Variants in KIF26B observed in about 807,000 individuals in gnomAD.
The protein encoded by KIF26B is kinesin family member 26B, also known as kinesin-like protein KIF26B.
KIF26B carries 63 observed loss-of-function variants against 151.2 expected under a neutral mutation model. The observed-to-expected ratio is 0.42, with a 90% CI of 0.34 to 0.51. The LOEUF (loss-of-function observed/expected upper bound fraction) is 0.51. KIF26B is among the 20% of genes least tolerant of loss of function. KIF26B has a pLI of 0.07. For synonymous variants in KIF26B, 1,357 were observed against 1,262.1 expected (o/e 1.08, Z -1.59); for missense variants, 2,813 against 2,913.6 (o/e 0.97, Z 0.79).
chr1:245,180,716 T>C (rs1218989884), intron 2 of KIF26B, among the ~76,000 whole-genome samples: 1 of 150,506 alleles, frequency 6.6e-6, no homozygotes, highest in East Asian at 2.0e-4. Flanking sequence ...ATGGAAATGG[T>C]GGTGGTGGGG....
chr1:245,634,062 C>T (rs970634285), intron 9 of KIF26B, among the ~76,000 whole-genome samples: 4 of 152,192 alleles, frequency 2.6e-5, no homozygotes, highest in African/African-American at 4.8e-5. Context: ...GATCCTTCTG[C>T]CTTGGCCTCC....
chr1:245,350,031 CAG>C (rs1324860438), intron 2 of KIF26B, among the ~76,000 whole-genome samples: 1 of 151,328 alleles, frequency 6.6e-6, no homozygotes, highest in Non-Finnish European at 1.5e-5. Context: ...CAAAAAAGTG[CAG>C]AGAGTATATA....
At chr1:245,325,859 C>G (rs181218052) in intron 2 of KIF26B, among the ~76,000 whole-genome samples, 13 of 152,128 alleles carry the variant, frequency 8.5e-5, no homozygotes, top group Admixed American at 6.5e-4. Flanking sequence ...TTGTTTGTGA[C>G]GTAGGTTTTC....
At position 245,705,849 on chromosome 1, in the gene KIF26B, T is replaced by A. The variant is rs2044834407; in HGVS notation, c.*3243T>A. The A allele has an allele frequency of 6.6e-6, 1 of 152,226 alleles. No individual in the cohort carries two copies. Among genetic ancestry groups the A allele is most frequent in the Non-Finnish European group, 1.5e-5 (1 of 68,028 alleles). 9.4% of individuals were successfully genotyped at this position (152,226 alleles called of 1,614,324 possible). On this transcript the variant is annotated 3_prime_UTR_variant, in exon 15 of 15. Coordinates refer to ENST00000407071, the MANE Select transcript of KIF26B (RefSeq NM_018012.4). ...CTGCGAGCTGCAAACTTTGATCTTG[T>A]TGTCCTTGAATTCCCCTCTACATCA...
At position 245,688,487 on chromosome 1, in the gene KIF26B, C is replaced by A; in HGVS notation, c.5504C>A (p.Ala1835Asp). The A allele has an allele frequency of 7.0e-7, 1 of 1,435,100 alleles. No individual in the cohort carries two copies. The highest frequency in any genetic ancestry group is 1.5e-5 in the African/African-American group (1 of 67,066). 88.9% of individuals were successfully genotyped at this position (1,435,100 alleles called of 1,614,324 possible). A position where few individuals can be genotyped will look rare whatever the true frequency, so the allele number is the denominator to read the frequency against. Residue 1835 changes from alanine to aspartate, a missense_variant, in exon 12 of 15, where the codon GCC (alanine) becomes GAC (aspartate). By Grantham distance (126) the Ala-to-Asp change is moderately radical. Transcript: ENST00000407071. ...AGPEAEARGGALAEDEPAAAH... is the reference protein window; with the variant it reads ...AGPEAEARGGDLAEDEPAAAH... ...CCCGAGGCGGAGGCGCGCGGGGGGG[C>A]CCTGGCCGAGGACGAGCCCGCGGCC...
intron 3 of KIF26B, among the ~76,000 whole-genome samples, chr1:245,383,690 G>A (rs1028676130): frequency 2.0e-5 from 3 of 152,300 alleles, no homozygotes; most frequent in East Asian, 1.9e-4. Flanking sequence ...TCCATTAGGA[G>A]GTAGGAGAAG....
intron 2 of KIF26B, among the ~76,000 whole-genome samples, chr1:245,238,777 G>T (rs537711537): frequency 1.3e-5 from 2 of 151,990 alleles, no homozygotes; most frequent in Non-Finnish European, 2.9e-5. Flanking sequence ...CAGGAGAATT[G>T]CTTGAACCTG....
intron 9 of KIF26B, among the ~76,000 whole-genome samples, chr1:245,617,616 A>G (rs1350247528): frequency 1.3e-5 from 2 of 152,084 alleles, no homozygotes; most frequent in African/African-American, 4.8e-5. Flanking sequence ...ATGTCCACAC[A>G]CTACAGGGCT....
At chr1:245,286,685 T>A (rs1295123418) in intron 2 of KIF26B, among the ~76,000 whole-genome samples, 1 of 151,920 alleles carries the variant, frequency 6.6e-6, no homozygotes, top group East Asian at 1.9e-4. Flanking sequence ...TTTTGTTATA[T>A]TTACAAGAAA....
chr1:245,192,927 C>T (rs1168993922), intron 2 of KIF26B, among the ~76,000 whole-genome samples: 2 of 152,094 alleles, frequency 1.3e-5, no homozygotes, highest in Non-Finnish European at 2.9e-5. Context: ...GGGCACTGTG[C>T]AGGTTTGTGA....
intron 3 of KIF26B, among the ~76,000 whole-genome samples, chr1:245,402,733 A>C (rs143780666): frequency 6.6e-6 from 1 of 152,222 alleles, no homozygotes; most frequent in Admixed American, 6.5e-5. Flanking sequence ...TGGAAAATCA[A>C]CTGAAAAAAG....
intron 4 of KIF26B, among the ~76,000 whole-genome samples, chr1:245,529,084 C>T (rs764511089): frequency 2.0e-5 from 3 of 152,092 alleles, no homozygotes; most frequent in African/African-American, 4.8e-5. Context: ...TTGCAGATGG[C>T]GTCTTAGTCA....
chr1:245,630,691 G>T (rs6669162), intron 9 of KIF26B, among the ~76,000 whole-genome samples: 16,380 of 152,014 alleles, frequency 0.11, 1,148 homozygotes, highest in Admixed American at 0.17. Context: ...ATAGTACATG[G>T]ATAACTATAT....
chr1:245,273,044 G>C (rs917650757), intron 2 of KIF26B, among the ~76,000 whole-genome samples: 2 of 152,040 alleles, frequency 1.3e-5, no homozygotes, highest in African/African-American at 4.8e-5. Context: ...TCGATCTGTA[G>C]TGTTCTTCAA....
intron 2 of KIF26B, among the ~76,000 whole-genome samples, chr1:245,255,617 C>T (rs1364240880): frequency 3.9e-5 from 6 of 152,208 alleles, no homozygotes; most frequent in African/African-American, 4.8e-5. Context: ...CCAGTGGCTT[C>T]GTGCTGTAAA....
chr1:245,520,375 G>A (rs996206883), intron 4 of KIF26B, among the ~76,000 whole-genome samples: 1 of 152,078 alleles, frequency 6.6e-6, no homozygotes, highest in Non-Finnish European at 1.5e-5. Flanking sequence ...ATGATAATGT[G>A]GAACAATTAT....
At chr1:245,280,597 GTTTTTTT>G (rs74163033) in intron 2 of KIF26B, among the ~76,000 whole-genome samples, 1 of 104,504 alleles carries the variant, frequency 9.6e-6, no homozygotes, top group Non-Finnish European at 1.8e-5. Flanking sequence ...GGAAGTTTTC[GTTTTTTT>G]TTTTTTTTTT....
chr1:245,599,226 A>G lies in KIF26B; in HGVS notation c.1351-3351A>G, dbSNP rs115770399. Among the ~76,000 whole-genome samples, 786 of 152,342 alleles carry G rather than the reference A, an allele frequency of 5.2e-3. 9 individuals carry two copies. Among genetic ancestry groups the G allele is most frequent in the African/African-American group, 0.018 (760 of 41,574 alleles). On this transcript the variant is annotated intron_variant, in intron 5 of 14. Transcript: ENST00000407071. ...AGTGGAGTGCCGGACTAAAGGAATA[A>G]TGATACAAAGGAGGTGAAGCAGAAA...
chr1:245,412,108 T>G (rs1170964962), intron 3 of KIF26B, among the ~76,000 whole-genome samples: 1 of 152,190 alleles, frequency 6.6e-6, no homozygotes, highest in Non-Finnish European at 1.5e-5. Flanking sequence ...CCTAAGACAA[T>G]ACTAAGGGTT....
Sources: allele counts gnomAD v4.1 joint callset (sites outside exome capture counted in the v4.1 genomes callset), GRCh38; gene constraint gnomAD v4.1.1; transcripts MANE v1.5; gene names NCBI Gene and HGNC (gene_info 2026-07-23, HGNC 2026-07-21).